CTNNA3: variants seen among roughly 807,000 people sequenced by gnomAD.
CTNNA3 encodes catenin alpha-3.
In CTNNA3, 76 loss-of-function variants were observed where a neutral mutation model predicts 95.7. The ratio of observed to expected loss-of-function variants is 0.79; its 90% CI spans 0.66 to 0.96. CTNNA3 has a LOEUF of 0.96. Among genes scored for constraint, CTNNA3 ranks in the 40% least tolerant of loss-of-function variants. CTNNA3 has a pLI of 0.00. For synonymous variants in CTNNA3, 431 were observed against 374.4 expected, an observed-to-expected ratio of 1.15 and a Z score of -1.74; for missense variants, 1,191 against 1,089.8, an observed-to-expected ratio of 1.09 and a Z score of -1.31.
chr10:67,134,392 G>C (rs979963274), intron 7 of CTNNA3, among the ~76,000 whole-genome samples: 3 of 152,012 alleles, frequency 2.0e-5, no homozygotes, highest in Admixed American at 2.0e-4. Context: ...CATGATGGGT[G>C]AAGAACACAA....
At chr10:66,222,618 AAGAAAAAGAAAG>A (rs1442774945) in intron 13 of CTNNA3, among the ~76,000 whole-genome samples, 6 of 68,552 alleles carry the variant, frequency 8.8e-5, no homozygotes, top group Non-Finnish European at 2.1e-4. Context: ...GAAAGAAAGA[AAGAAAAAGAAAG>A]AAAGAAAGAA....
chr10:66,201,444 G>A (rs2087399274), intron 13 of CTNNA3, among the ~76,000 whole-genome samples: 1 of 152,096 alleles, frequency 6.6e-6, no homozygotes, highest in African/African-American at 2.4e-5. Flanking sequence ...TTAGCAATTG[G>A]TATTCCTTTA....
chr10:66,444,491 C>T (rs2093402344), intron 11 of CTNNA3, among the ~76,000 whole-genome samples: 1 of 152,190 alleles, frequency 6.6e-6, no homozygotes, highest in Non-Finnish European at 1.5e-5. Flanking sequence ...AAAAACTCTA[C>T]AAGCCAGAAG....
At chr10:67,480,619 C>G (rs1848181126) in intron 5 of CTNNA3, among the ~76,000 whole-genome samples, 1 of 152,262 alleles carries the variant, frequency 6.6e-6, no homozygotes, top group Non-Finnish European at 1.5e-5. Flanking sequence ...CTGCAGATAA[C>G]AAGCCAGAGC....
chr10:66,117,989 C>T (rs142303567), intron 13 of CTNNA3, among the ~76,000 whole-genome samples: 17 of 152,224 alleles, frequency 1.1e-4, no homozygotes, highest in Non-Finnish European at 2.2e-4. Flanking sequence ...TGCTGTGTAA[C>T]CTGGGAGAGT....
chr10:67,551,865 G>A (rs1430266912), intron 3 of CTNNA3, among the ~76,000 whole-genome samples: 1 of 152,202 alleles, frequency 6.6e-6, no homozygotes, highest in Admixed American at 6.5e-5. Flanking sequence ...CCTCAGGGAT[G>A]TTTGAAACTG....
At chr10:67,346,282 T>C (rs1197092094) in intron 5 of CTNNA3, among the ~76,000 whole-genome samples, 2 of 152,326 alleles carry the variant, frequency 1.3e-5, no homozygotes, top group East Asian at 3.9e-4. Context: ...TACAGTGTTA[T>C]AATATTATGT....
At chr10:66,901,838 T>C (rs550230962) in intron 7 of CTNNA3, among the ~76,000 whole-genome samples, 1 of 152,322 alleles carries the variant, frequency 6.6e-6, no homozygotes, top group Non-Finnish European at 1.5e-5. Flanking sequence ...CTATGCTAAA[T>C]ATGTATGCAC....
chr10:67,000,961 C>T (rs10997477), intron 7 of CTNNA3, among the ~76,000 whole-genome samples: 47,440 of 151,624 alleles, frequency 0.31, 7,732 homozygotes, highest in Middle Eastern at 0.49. Flanking sequence ...AAATAAAATG[C>T]GAAAGTAGAG....
chr10:67,566,043 GTATATATATATATA>G lies in CTNNA3; in HGVS notation c.293-26388_293-26375del, dbSNP rs772272609. ...CACACACACACACATATGTGTGTGT[GTATATATATATATA>G]TATATATATATATATACAAAACCTA... On this transcript the variant is annotated intron_variant, in intron 3 of 17. Transcript: ENST00000433211. 1.0e-3 allele frequency among the ~76,000 whole-genome samples: 28 copies of G among 26,966 alleles called. 3 individuals are homozygous for G. The highest frequency in any genetic ancestry group is 2.6e-3 in the Admixed American group (5 of 1,906). 17.7% of individuals were successfully genotyped at this position (26,966 alleles called of 152,430 possible).
At chr10:66,849,794 T>C (rs935436678) in intron 7 of CTNNA3, among the ~76,000 whole-genome samples, 2 of 152,174 alleles carry the variant, frequency 1.3e-5, no homozygotes, top group African/African-American at 2.4e-5. Flanking sequence ...GAGGAAAAGA[T>C]AGCTGTTGTC....
chr10:67,551,251 G>T (rs1231372221), intron 3 of CTNNA3, among the ~76,000 whole-genome samples: 1 of 152,046 alleles, frequency 6.6e-6, no homozygotes, highest in Non-Finnish European at 1.5e-5. Context: ...GGAGATCGGT[G>T]GAAGAAGACA....
intron 7 of CTNNA3, among the ~76,000 whole-genome samples, chr10:66,779,185 C>T (rs1169755002): frequency 2.0e-5 from 3 of 152,066 alleles, no homozygotes; most frequent in Non-Finnish European, 4.4e-5. Context: ...ATATAATCTA[C>T]TTCTGTATTT....
At chr10:66,569,123 A>G (rs1443220494) in intron 10 of CTNNA3, among the ~76,000 whole-genome samples, 1 of 152,024 alleles carries the variant, frequency 6.6e-6, no homozygotes, top group Non-Finnish European at 1.5e-5. Context: ...AGTGCCTCTC[A>G]TTAGCCTTGC....
At chr10:65,994,419 G>A (rs1437947821) in intron 15 of CTNNA3, among the ~76,000 whole-genome samples, 2 of 150,698 alleles carry the variant, frequency 1.3e-5, no homozygotes, top group Admixed American at 6.6e-5. Context: ...ATAGTGTTCT[G>A]GATTGACATT....
At position 66,913,261 on chromosome 10, in the gene CTNNA3, A is replaced by G. The variant is rs10997440; in HGVS notation, c.1048-137737T>C. The stretch of plus-strand genomic sequence containing the variant: ...CTCAAAAAAAAAAAAAAAAAAAAAA[A>G]AAAAGAAAAAGAAAAAAGAAATGAG... On this transcript the variant is annotated intron_variant, in intron 7 of 17. Transcript: ENST00000433211. Among the ~76,000 whole-genome samples, 53 of 145,872 alleles carry G rather than the reference A, an allele frequency of 3.6e-4. 1 individual carries two copies. In the East Asian group the frequency reaches 0.01, roughly 28 times the overall value.
At chr10:67,060,346 G>A (rs1490150829) in intron 7 of CTNNA3, among the ~76,000 whole-genome samples, 1 of 152,082 alleles carries the variant, frequency 6.6e-6, no homozygotes, top group Non-Finnish European at 1.5e-5. Flanking sequence ...TTCTGTAAAT[G>A]TATACAATTA....
chr10:65,978,606 T>C (rs773241649), intron 16 of CTNNA3, among the ~76,000 whole-genome samples: 11 of 152,278 alleles, frequency 7.2e-5, no homozygotes, highest in South Asian at 2.1e-4. Context: ...AGGCGATCCA[T>C]GTAACTACTG....
In CTNNA3 at chr10:66,277,193, C is replaced by T. The variant is rs147181073; in HGVS notation, c.1884+3277G>A. 1.0e-3 allele frequency among the ~76,000 whole-genome samples: 158 copies of T among 152,076 alleles called. 1 individual carries two copies. The highest frequency in any genetic ancestry group is 3.6e-3 in the African/African-American group (149 of 41,506). On this transcript the variant is annotated intron_variant, in intron 13 of 17. Coordinates refer to ENST00000433211, the MANE Select transcript of CTNNA3 (RefSeq NM_013266.4). Reference sequence around the variant, plus strand: ...CTGCTAGCATAATTATTGATCAAAACAAATAGTAAAGACATAATCATATTT... The same window carrying T: ...CTGCTAGCATAATTATTGATCAAAATAAATAGTAAAGACATAATCATATTT...
Sources: gnomAD v4.1 joint callset for allele counts (sites outside exome capture counted in the v4.1 genomes callset) on GRCh38, gnomAD v4.1.1 for gene constraint, MANE v1.5 for transcripts, NCBI Gene and HGNC (gene_info 2026-07-23, HGNC 2026-07-21) for gene names.